AKAP13: variants seen among roughly 807,000 people sequenced by gnomAD.
The protein encoded by AKAP13 is A-kinase anchoring protein 13.
In AKAP13, 80 loss-of-function variants were observed where a neutral mutation model predicts 264.5. That is an observed-to-expected ratio of 0.30 (90% CI 0.25 to 0.36). AKAP13 has a LOEUF of 0.36. AKAP13 is among the 10% of genes least tolerant of loss of function. The pLI is 1.00. For missense variants in AKAP13, 3,712 were observed against 3,435.2 expected, an observed-to-expected ratio of 1.08 and a Z score of -2.01; for synonymous variants, 1,380 against 1,250.2, an observed-to-expected ratio of 1.10 and a Z score of -2.19.
At chr15:85,741,744 GTTT>G (rs1007906764) in intron 35 of AKAP13, among the ~76,000 whole-genome samples, 15 of 131,526 alleles carry the variant, frequency 1.1e-4, no homozygotes, top group African/African-American at 4.3e-4. Flanking sequence ...AAAAAAAACA[GTTT>G]TTAAGAATCT....
rs369043507 is a variant in AKAP13 at position 85,723,275 on chromosome 15, C to T, written c.6700C>T (p.Arg2234Cys). 9.9e-6 allele frequency: 16 copies of T among 1,613,932 alleles called. No individual in the cohort carries two copies. Among genetic ancestry groups the T allele is most frequent in the Non-Finnish European group, 1.4e-5 (16 of 1,179,966 alleles). ...AGATTTGAAACGGAAGAAGCTTGTACGTGATGGGAGTGTGTTTCTGAAGAA... is the reference window on the plus strand; with the variant it reads ...AGATTTGAAACGGAAGAAGCTTGTATGTGATGGGAGTGTGTTTCTGAAGAA... ...KEDLKRKKLV[R>C]DGSVFLKNAA... is the part of the protein sequence containing the mutation. The change falls in exon 26 of 37, where the codon CGT becomes TGT. Residue 2234 changes from arginine (R) to cysteine (C), a missense_variant. Arg to Cys is a radical substitution (Grantham distance 180). Around this residue, in one of 3 missense-constraint regions of AKAP13, gnomAD observed 342 missense variants for 484.3 expected, o/e 0.71. Coordinates refer to ENST00000394518, the MANE Select transcript of AKAP13 (RefSeq NM_007200.5).
intron 1 of AKAP13, among the ~76,000 whole-genome samples, chr15:85,455,369 G>C (rs926021313): frequency 8.5e-5 from 13 of 152,056 alleles, no homozygotes; most frequent in African/African-American, 3.1e-4. Context: ...AACCATTATA[G>C]GGTTGAGGAT....
chr15:85,730,416 C>A, intron 29 of AKAP13, 97 bp from the exon 30 acceptor site: 3 of 1,330,766 alleles, frequency 2.3e-6, no homozygotes, highest in Non-Finnish European at 2.1e-6. Context: ...TGTCTTGTCA[C>A]TTTCCATAAA....
At chr15:85,740,151 A>G (rs1309388216) in intron 33 of AKAP13, 71 bp from the exon 34 acceptor site, 2 of 1,504,352 alleles carry the variant, frequency 1.3e-6, no homozygotes, top group Non-Finnish European at 1.8e-6. Context: ...TTATCAGGTA[A>G]ACATTAGTGT....
chr15:85,543,506 A>G (rs1227021164), intron 4 of AKAP13, among the ~76,000 whole-genome samples: 1 of 152,208 alleles, frequency 6.6e-6, no homozygotes, highest in Non-Finnish European at 1.5e-5. Flanking sequence ...CAGAATATAG[A>G]AATGTCCTGA....
intron 1 of AKAP13, among the ~76,000 whole-genome samples, chr15:85,432,065 G>A (rs890752387): frequency 1.3e-5 from 2 of 152,008 alleles, no homozygotes; most frequent in Non-Finnish European, 2.9e-5. Flanking sequence ...TTTTTTGGGT[G>A]TTGAATGTTA....
intron 5 of AKAP13, among the ~76,000 whole-genome samples, chr15:85,544,717 T>C (rs1027815003): frequency 6.6e-6 from 1 of 152,260 alleles, no homozygotes; most frequent in African/African-American, 2.4e-5. Flanking sequence ...AAGAATAGTT[T>C]CTGTTGTTTA....
intron 4 of AKAP13, chr15:85,535,050 A>G (rs1245253321): frequency 6.6e-6 from 1 of 152,188 alleles, no homozygotes; most frequent in Non-Finnish European, 1.5e-5. Flanking sequence ...GTCTTCAATG[A>G]AAGAGCTGGT....
At chr15:85,710,710 G>T in intron 19 of AKAP13, 65 bp downstream of exon 19, 1 of 1,538,420 alleles carries the variant, frequency 6.5e-7, no homozygotes, top group Non-Finnish European at 8.9e-7. Context: ...TAAAAATGCT[G>T]TTGTAATATT....
chr15:85,588,493 T>G (rs2079450606), intron 8 of AKAP13, among the ~76,000 whole-genome samples: 1 of 152,210 alleles, frequency 6.6e-6, no homozygotes, highest in African/African-American at 2.4e-5. Context: ...CATTTTAATA[T>G]TGTAGTGATT....
chr15:85,406,200 T>C (rs1329199580), intron 1 of AKAP13, among the ~76,000 whole-genome samples: 5 of 152,164 alleles, frequency 3.3e-5, no homozygotes, highest in African/African-American at 1.2e-4. Flanking sequence ...AAACTATTTC[T>C]CTGGATCTTT....
intron 8 of AKAP13, among the ~76,000 whole-genome samples, chr15:85,601,766 G>A (rs2080089098): frequency 6.6e-6 from 1 of 151,522 alleles, no homozygotes; most frequent in African/African-American, 2.4e-5. Context: ...GTTTATATAG[G>A]TTATATCTAG....
chr15:85,720,335 T>C (rs1019861127), intron 23 of AKAP13, among the ~76,000 whole-genome samples: 1 of 152,022 alleles, frequency 6.6e-6, no homozygotes, highest in East Asian at 1.9e-4. Flanking sequence ...CAGAAGGATC[T>C]CATGTGTCTA....
intron 33 of AKAP13, among the ~76,000 whole-genome samples, chr15:85,737,951 T>A (rs2088662277): frequency 6.6e-6 from 1 of 152,146 alleles, no homozygotes; most frequent in Admixed American, 6.5e-5. Flanking sequence ...GATTTTTCTT[T>A]ATGGCGACTT....
intron 1 of AKAP13, among the ~76,000 whole-genome samples, chr15:85,468,745 G>C (rs1251827813): frequency 1.3e-5 from 2 of 151,872 alleles, no homozygotes; most frequent in African/African-American, 4.8e-5. Context: ...TTAGGTCAGA[G>C]AGCATAACTT....
chr15:85,437,769 C>G (rs951617145), intron 1 of AKAP13, among the ~76,000 whole-genome samples: 1 of 151,934 alleles, frequency 6.6e-6, no homozygotes, highest in African/African-American at 2.4e-5. Context: ...AAATTCAACC[C>G]TTCATGCTAA....
intron 8 of AKAP13, among the ~76,000 whole-genome samples, chr15:85,600,316 T>C (rs62023932): frequency 8.7e-6 from 1 of 114,904 alleles, no homozygotes; most frequent in Non-Finnish European, 1.8e-5. Context: ...ATAGCTTAGA[T>C]TTAAAAAAAA....
chr15:85,576,096 G>A (rs565707889), intron 6 of AKAP13, among the ~76,000 whole-genome samples: 28 of 152,332 alleles, frequency 1.8e-4, no homozygotes, highest in African/African-American at 5.3e-4. Context: ...GGTTGTAGCC[G>A]TAGGGGGACT....
intron 16 of AKAP13, among the ~76,000 whole-genome samples, chr15:85,691,618 G>T (rs763367249): frequency 2.6e-5 from 4 of 152,092 alleles, no homozygotes; most frequent in African/African-American, 4.8e-5. Context: ...AGGTGACATG[G>T]CCAACTTAAT....
Sources: allele counts gnomAD v4.1 joint callset (sites outside exome capture counted in the v4.1 genomes callset), GRCh38; gene constraint gnomAD v4.1.1; regional missense constraint gnomAD v4.1.1; transcripts MANE v1.5; gene names NCBI Gene and HGNC (gene_info 2026-07-23, HGNC 2026-07-21).